The following ZNFX1 variants were observed in gnomAD, a reference collection of about 807,000 sequenced individuals.
The protein encoded by ZNFX1 is NFX1-type zinc finger-containing protein 1.
In ZNFX1, 78 loss-of-function variants were observed where a neutral mutation model predicts 179.8. That is an observed-to-expected ratio of 0.43 (90% CI 0.36 to 0.52). The LOEUF (loss-of-function observed/expected upper bound fraction) is 0.52. Ranked by LOEUF, ZNFX1 falls within the 20% of genes least tolerant of loss-of-function variation. The pLI, the probability that ZNFX1 is intolerant of heterozygous loss-of-function variation, is 0.00. For synonymous variants in ZNFX1, 848 were observed against 868.5 expected, an observed-to-expected ratio of 0.98 and a Z score of 0.42; for missense variants, 1,927 against 2,386.6, an observed-to-expected ratio of 0.81 and a Z score of 4.01.
chr20:49,276,785 A>G (rs1200043813), intron 1 of ZNFX1, among the ~76,000 whole-genome samples: 1 of 152,226 alleles, frequency 6.6e-6, no homozygotes, highest in Non-Finnish European at 1.5e-5. Context: ...TATGAGGGGC[A>G]GCTTTTTTCC....
At chr20:49,255,200 C>T (rs1028640469) in intron 9 of ZNFX1, among the ~76,000 whole-genome samples, 53 of 152,156 alleles carry the variant, frequency 3.5e-4, no homozygotes, top group African/African-American at 1.2e-3. Context: ...CCGGCCACCA[C>T]GCCCAGCTAA....
Position 49,266,125 on chromosome 20 carries a change from T to C in ZNFX1, c.2002+10A>G, listed in dbSNP as rs1219438984. 2.5e-6 allele frequency: 4 copies of C among 1,603,642 alleles called. No individual in the cohort carries two copies. The highest frequency in any genetic ancestry group is 2.5e-6 in the Non-Finnish European group (3 of 1,177,572). ...TCTTGATAGAGAACAAATTTGCCTATAAGTATTACCTTCCAGAAACTGGTC... is the reference window on the plus strand; with the variant it reads ...TCTTGATAGAGAACAAATTTGCCTACAAGTATTACCTTCCAGAAACTGGTC... On this transcript the variant is annotated intron_variant, in intron 4 of 13. Transcript: ENST00000396105.
chr20:49,256,058 T>C, intron 8 of ZNFX1, 111 bp from the exon 9 acceptor site: 2 of 1,320,348 alleles, frequency 1.5e-6, no homozygotes, highest in Non-Finnish European at 2.1e-6. Context: ...CACTGATTAA[T>C]GTCAAGTGTC....
At chr20:49,257,844 T>C (rs768826732) in intron 7 of ZNFX1, among the ~76,000 whole-genome samples, 180 bp from the exon 8 acceptor site, 1 of 150,602 alleles carries the variant, frequency 6.6e-6, no homozygotes, top group Non-Finnish European at 1.5e-5. Context: ...TGGGATTACA[T>C]GCACCCACCA....
chr20:49,252,997 T>C (rs1383558242), intron 11 of ZNFX1, among the ~76,000 whole-genome samples, 167 bp from the exon 12 acceptor site: 6 of 152,204 alleles, frequency 3.9e-5, no homozygotes, highest in Non-Finnish European at 1.5e-5. Flanking sequence ...GGGTTAAGGA[T>C]TAGTAGAACT....
intron 3 of ZNFX1, among the ~76,000 whole-genome samples, chr20:49,269,010 T>C (rs1293901260): frequency 6.6e-6 from 1 of 152,202 alleles, no homozygotes; most frequent in Non-Finnish European, 1.5e-5. Flanking sequence ...ATTGGGTATA[T>C]AATGGGAAGG....
At chr20:49,271,867 G>T in intron 2 of ZNFX1, 117 bp from the exon 3 acceptor site, 1 of 1,236,252 alleles carries the variant, frequency 8.1e-7, no homozygotes, top group Non-Finnish European at 1.1e-6. Flanking sequence ...GGTTTTATAC[G>T]GTAAGAAAAA....
At position 49,263,496 on chromosome 20, in the gene ZNFX1, G is replaced by A; in HGVS notation, c.2152-13C>T. On this transcript the variant is annotated splice_polypyrimidine_tract_variant and intron_variant, in intron 5 of 13. Transcript: ENST00000396105. ...TCTGTGTCATGATCTTCCAAGAACA[G>A]AGGGAAAGAAATGATGAGGAAATAT... The A allele has an allele frequency of 6.4e-7, 1 of 1,564,768 alleles. No individual in the cohort carries two copies. Among genetic ancestry groups the A allele is most frequent in the Non-Finnish European group, 8.7e-7 (1 of 1,153,390 alleles).
At chr20:49,255,187 G>C (rs1980939218) in intron 9 of ZNFX1, among the ~76,000 whole-genome samples, 1 of 151,906 alleles carries the variant, frequency 6.6e-6, no homozygotes, top group Non-Finnish European at 1.5e-5. Flanking sequence ...GGGATTATAG[G>C]CACCGGCCAC....
chr20:49,263,947 G>C (rs1013092803), intron 5 of ZNFX1, among the ~76,000 whole-genome samples: 4 of 151,874 alleles, frequency 2.6e-5, no homozygotes, highest in Admixed American at 1.3e-4. Context: ...TGTTGGGCCG[G>C]GCGCGGTGGC....
At position 49,246,646 on chromosome 20, in the gene ZNFX1, C is replaced by G. The variant is rs1452430909; in HGVS notation, c.*621G>C. 2.9e-6 allele frequency: 1 copy of G among 341,162 alleles called. No individual in the cohort carries two copies. Among genetic ancestry groups the G allele is most frequent in the Non-Finnish European group, 5.8e-6 (1 of 172,306 alleles). 21.1% of individuals were successfully genotyped at this position (341,162 alleles called of 1,614,324 possible). On this transcript the variant is annotated 3_prime_UTR_variant, in exon 14 of 14. Transcript: ENST00000396105. ...GGAACAATGTAGAATAAACATCTGACCAAGTAAAGACCCAGAGATACCACT... is the reference window on the plus strand; with the variant it reads ...GGAACAATGTAGAATAAACATCTGAGCAAGTAAAGACCCAGAGATACCACT...
chr20:49,263,572 AG>A (rs748985458), intron 5 of ZNFX1, 89 bp from the exon 6 acceptor site: 1 of 1,417,450 alleles, frequency 7.1e-7, no homozygotes, highest in African/African-American at 1.4e-5. Context: ...AAGCTAAGAC[AG>A]GAACAGTAAG....
rs151185894 is a variant in ZNFX1, at chr20:49,257,312, C to T, written c.2664+105G>A. 93 of 1,483,722 alleles carry T rather than the reference C, an allele frequency of 6.3e-5. No homozygotes were observed. The East Asian group carries it at 2.0e-3, about 32-fold the overall frequency. The allele number at this position is 1,483,722 out of a possible 1,614,324, so 91.9% of individuals were successfully genotyped here. A position where few individuals can be genotyped will look rare whatever the true frequency, so the allele number is the denominator to read the frequency against. ...CCAGGGGTAGGCTGTAATACAGGTA[C>T]TTAGCTAATTGTAATGGTGAAGTGA... On this transcript the variant is annotated intron_variant, in intron 8 of 13. Coordinates refer to ENST00000396105, the MANE Select transcript of ZNFX1 (RefSeq NM_021035.3).
Position 49,246,848 on chromosome 20 carries a change from T to G in ZNFX1, c.*419A>C, listed in dbSNP as rs766788359. Reference sequence around the variant, plus strand: ...TGAGCCCTAAAAGTGGATCCTTAAGTAGGTGCTAAGACTAAAAAGAATGAT... The same window carrying G: ...TGAGCCCTAAAAGTGGATCCTTAAGGAGGTGCTAAGACTAAAAAGAATGAT... On this transcript the variant is annotated 3_prime_UTR_variant, in exon 14 of 14. Transcript: ENST00000396105. 1 of 454,362 alleles carries G rather than the reference T, an allele frequency of 2.2e-6. No individual in the cohort carries two copies. Among genetic ancestry groups the G allele is most frequent in the Admixed American group, 2.4e-5 (1 of 42,102 alleles). 28.1% of individuals were successfully genotyped at this position (454,362 alleles called of 1,614,324 possible).
At chr20:49,252,583 CAG>C (rs1168765821) in intron 12 of ZNFX1, 135 bp downstream of exon 12, 1 of 604,214 alleles carries the variant, frequency 1.7e-6, no homozygotes, top group Non-Finnish European at 2.9e-6. Flanking sequence ...TGTTTTAAAA[CAG>C]AAAATGTAAG....
At chr20:49,266,291 T>G in intron 3 of ZNFX1, 25 bp from the exon 4 acceptor site, 1 of 1,568,950 alleles carries the variant, frequency 6.4e-7, no homozygotes, top group Non-Finnish European at 8.6e-7. Flanking sequence ...AAAAGGAATT[T>G]AACAATTTAG....
chr20:49,251,672 A>T (rs1980841048), intron 12 of ZNFX1, 50 bp from the exon 13 acceptor site: 1 of 1,493,836 alleles, frequency 6.7e-7, no homozygotes. Flanking sequence ...GCACACACGG[A>T]CAATTTCTTT....
chr20:49,261,054 C>T (rs1981100343), intron 6 of ZNFX1, among the ~76,000 whole-genome samples: 1 of 152,172 alleles, frequency 6.6e-6, no homozygotes, highest in Non-Finnish European at 1.5e-5. Flanking sequence ...ACACTCCGGC[C>T]TGGGTGACAA....
chr20:49,257,826 T>C (rs1208265044), intron 7 of ZNFX1, among the ~76,000 whole-genome samples, 162 bp from the exon 8 acceptor site: 2 of 150,356 alleles, frequency 1.3e-5, no homozygotes, highest in South Asian at 2.1e-4. Context: ...CTCAGCCTCC[T>C]GAGTAGCTGG....
Sources: allele counts gnomAD v4.1 joint callset (sites outside exome capture counted in the v4.1 genomes callset), GRCh38; gene constraint gnomAD v4.1.1; transcripts MANE v1.5; gene names NCBI Gene and HGNC (gene_info 2026-07-23, HGNC 2026-07-21).